Variants in PAK3 observed in about 807,000 individuals in gnomAD.
PAK3 encodes the protein serine/threonine-protein kinase PAK 3.
PAK3 carries 4 observed loss-of-function variants against 41.0 expected under a neutral mutation model. The ratio of observed to expected loss-of-function variants is 0.10; its 90% CI spans 0.05 to 0.22. The LOEUF is 0.22. Ranked by LOEUF, PAK3 falls within the 10% of genes least tolerant of loss-of-function variation. The pLI, the probability that PAK3 is intolerant of heterozygous loss-of-function variation, is 1.00. For missense variants in PAK3, 205 were observed against 409.9 expected, an observed-to-expected ratio of 0.50 and a Z score of 4.32; for synonymous variants, 146 against 139.6, an observed-to-expected ratio of 1.05 and a Z score of -0.32.
chrX:110,962,299 T>A (rs1229269586), intron 1 of PAK3, among the ~76,000 whole-genome samples: 2 of 111,500 alleles, frequency 1.8e-5, no homozygotes, highest in African/African-American at 6.5e-5. Context: ...CATCCAAGAT[T>A]CCTCCTTCAT....
chrX:111,086,569 C>T (rs1330648879), intron 1 of PAK3, among the ~76,000 whole-genome samples: 1 of 111,488 alleles, frequency 9.0e-6, no homozygotes, highest in Non-Finnish European at 1.9e-5. Flanking sequence ...GTACACCCTT[C>T]CCACCCCCTG....
In PAK3 at chrX:111,091,169, C is replaced by T. The variant is rs139158192; in HGVS notation, c.-27-31908C>T. 6.4e-3 allele frequency among the ~76,000 whole-genome samples: 718 copies of T among 111,348 alleles called. 10 individuals are homozygous for T. Among genetic ancestry groups the T allele is most frequent in the African/African-American group, 0.022 (686 of 30,639 alleles). ...TCTTCTGCTTTTCCTTCACTAACTC[C>T]CTGGTGGAAGGGAACAGGGCAAAAG... On this transcript the variant is annotated intron_variant, in intron 1 of 14. Coordinates refer to the PAK3 transcript ENST00000425146.
chrX:111,094,867 T>G (rs180822266), upstream of PAK3, among the ~76,000 whole-genome samples: 80 of 109,669 alleles, frequency 7.3e-4, no homozygotes, highest in Admixed American at 3.4e-3. Context: ...TTTTGTATTT[T>G]TAGTAGAGAC....
intron 1 of PAK3, among the ~76,000 whole-genome samples, chrX:110,952,318 C>T (rs1368684215): frequency 9.0e-6 from 1 of 111,352 alleles, no homozygotes; most frequent in Non-Finnish European, 1.9e-5. Flanking sequence ...AACCTAAAAT[C>T]CTTTGGAGGT....
At position 111,179,034 on chromosome X, in the gene PAK3, G is replaced by A. The variant is rs756579756; in HGVS notation, c.830+5953G>A. On this transcript the variant is annotated intron_variant, in intron 11 of 17. Transcript: ENST00000372007. ...ATCTATATATATATATATATATATG[G>A]TTGAAAGTCTACTTATGATGTTTGT... 8.3e-4 allele frequency among the ~76,000 whole-genome samples: 81 copies of A among 97,516 alleles called. 1 individual carries two copies. The highest frequency in any genetic ancestry group is 2.9e-3 in the African/African-American group (76 of 26,401). The allele number at this position is 97,516 out of a possible 115,157, so 84.7% of individuals were successfully genotyped here.
intron 4 of PAK3, among the ~76,000 whole-genome samples, chrX:111,121,884 A>G (rs1400783028): frequency 3.6e-5 from 4 of 110,834 alleles, no homozygotes; most frequent in African/African-American, 1.3e-4. Context: ...TGGGGAGTTC[A>G]TGCTTTTCCA....
At chrX:111,175,436 T>C (rs2094394859) in intron 11 of PAK3, among the ~76,000 whole-genome samples, 1 of 112,286 alleles carries the variant, frequency 8.9e-6, no homozygotes, top group African/African-American at 3.2e-5. Context: ...TGAAAATTAA[T>C]TTCACCTTTT....
chrX:110,956,281 A>G (rs932999238), intron 1 of PAK3, among the ~76,000 whole-genome samples: 1 of 111,495 alleles, frequency 9.0e-6, no homozygotes, highest in Non-Finnish European at 1.9e-5. Context: ...TGAGGAATAT[A>G]TAAGATAATT....
At chrX:111,188,750 A>G (rs1328351845) in intron 11 of PAK3, among the ~76,000 whole-genome samples, 1 of 111,923 alleles carries the variant, frequency 8.9e-6, no homozygotes, top group Non-Finnish European at 1.9e-5. Flanking sequence ...GCACAGGGCT[A>G]AATGCTTACA....
chrX:111,134,789 G>T (rs1357578146), intron 5 of PAK3, among the ~76,000 whole-genome samples: 1 of 111,176 alleles, frequency 9.0e-6, no homozygotes, highest in Non-Finnish European at 1.9e-5. Flanking sequence ...GGAGTGAGTG[G>T]CATGCCAGGT....
chrX:111,128,590 A>C (rs1269865790), intron 5 of PAK3, among the ~76,000 whole-genome samples: 1 of 111,546 alleles, frequency 9.0e-6, no homozygotes, highest in Non-Finnish European at 1.9e-5. Flanking sequence ...AGTCTCTCTA[A>C]CTCCAAACCC....
intron 1 of PAK3, among the ~76,000 whole-genome samples, chrX:111,056,315 C>T (rs2092604400): frequency 8.9e-6 from 1 of 112,002 alleles, no homozygotes; most frequent in Non-Finnish European, 1.9e-5. Context: ...CCAGAGGAGA[C>T]TCTGGGTAAA....
intron 1 of PAK3, among the ~76,000 whole-genome samples, chrX:111,012,128 T>C (rs2092020339): frequency 9.0e-6 from 1 of 111,621 alleles, no homozygotes; most frequent in Non-Finnish European, 1.9e-5. Flanking sequence ...GGTAAACATA[T>C]TTACCAGTGT....
In PAK3 at chrX:110,956,864, A is replaced by G. The variant is rs142956659; in HGVS notation, c.-28+12236A>G. ...CATAGTGACAATTCCTACCTGATCA[A>G]TAGAGCTGGGAATTAAGCCCTGGTG... On this transcript the variant is annotated intron_variant, in intron 1 of 14. Transcript: ENST00000425146. 7.5e-3 allele frequency among the ~76,000 whole-genome samples: 840 copies of G among 111,947 alleles called. 8 individuals are homozygous for G. The highest frequency in any genetic ancestry group is 0.025 in the African/African-American group (764 of 30,834).
chrX:110,946,295 A>T (rs1324433236), intron 1 of PAK3, among the ~76,000 whole-genome samples: 3 of 110,180 alleles, frequency 2.7e-5, no homozygotes, highest in Non-Finnish European at 5.7e-5. Flanking sequence ...TGGAAGTGTG[A>T]CTGCCAAATT....
rs2094041885 is a variant in PAK3, at chrX:111,152,418, G to A, written c.439G>A (p.Ala147Thr). Reference sequence around the variant, plus strand: ...CTATTCTCACTTTGCAGATAAAAGTGCACATGGATACATAGCAGCCCATCC... The same window carrying A: ...CTATTCTCACTTTGCAGATAAAAGTACACATGGATACATAGCAGCCCATCC... ...YMSFTSGDKS[A>T]HGYIAAHPSS... Residue 147 changes from alanine (A) to threonine (T), a missense_variant, in exon 8 of 18, where the codon GCA becomes ACA. By Grantham distance (58) the Ala-to-Thr change is moderately conservative (BLOSUM62 0). This residue lies in a region of PAK3 where 75 missense variants were observed against 91.9 expected (regional missense o/e 0.82). Transcript: ENST00000372007. 1 of 1,178,571 alleles carries A rather than the reference G, an allele frequency of 8.5e-7. No individual in the cohort carries two copies. The highest frequency in any genetic ancestry group is 2.2e-5 in the Admixed American group (1 of 45,910).
rs1166833891 is a variant in PAK3, at chrX:111,141,792, A to C, written c.176-304A>C. On this transcript the variant is annotated intron_variant, in intron 5 of 17. Transcript: ENST00000372007. The stretch of plus-strand genomic sequence containing the variant: ...TAGTAAGTGATATTTGATTCAACAA[A>C]GCCAGTTAAACACAATATCCCTAGA... Among the ~76,000 whole-genome samples, 3 of 112,279 alleles carry C rather than the reference A, an allele frequency of 2.7e-5. No homozygotes were observed. The Admixed American group carries it at 2.8e-4, about 11-fold the overall frequency.
intron 14 of PAK3, among the ~76,000 whole-genome samples, chrX:111,195,322 C>A (rs1157351374): frequency 8.9e-6 from 1 of 112,023 alleles, no homozygotes; most frequent in Non-Finnish European, 1.9e-5. Flanking sequence ...TGGTTTCCTT[C>A]TTCCAGCATT....
chrX:111,212,264 C>T (rs1334422723), intron 16 of PAK3, among the ~76,000 whole-genome samples: 1 of 112,049 alleles, frequency 8.9e-6, no homozygotes, highest in African/African-American at 3.2e-5. Context: ...ATCACTCACA[C>T]CCAGAACTAT....
Sources: allele counts gnomAD v4.1 joint callset (sites outside exome capture counted in the v4.1 genomes callset), GRCh38; gene constraint gnomAD v4.1.1; regional missense constraint gnomAD v4.1.1; transcripts MANE v1.5; gene names NCBI Gene and HGNC (gene_info 2026-07-23, HGNC 2026-07-21).